HECW1: variants seen among roughly 807,000 people sequenced by gnomAD.
HECW1 encodes the protein E3 ubiquitin-protein ligase HECW1.
Under a neutral mutation model 182.3 loss-of-function variants are expected in HECW1, and 61 were observed. The observed-to-expected ratio is 0.33, with a 90% CI of 0.27 to 0.41. The LOEUF is 0.41. HECW1 is among the 10% of genes least tolerant of loss of function. The probability of loss-of-function intolerance (pLI) is 1.00; values close to 1 mark genes in which losing one functional copy is unlikely to be tolerated. For synonymous variants in HECW1, 859 were observed against 832.6 expected (o/e 1.03, Z -0.55); for missense variants, 1,739 against 2,108.9 (o/e 0.82, Z 3.44).
At chr7:43,268,329 G>A (rs1398646537) in intron 3 of HECW1, among the ~76,000 whole-genome samples, 1 of 152,208 alleles carries the variant, frequency 6.6e-6, no homozygotes, top group African/African-American at 2.4e-5. Flanking sequence ...CAGTGGAGAA[G>A]GGCTGTAGTT....
intron 4 of HECW1, among the ~76,000 whole-genome samples, chr7:43,319,020 G>A (rs1809687474): frequency 6.6e-6 from 1 of 152,234 alleles, no homozygotes; most frequent in East Asian, 1.9e-4. Context: ...GAACCAAGGA[G>A]GTGACAGGCA....
At chr7:43,515,961 T>C (rs1208907151) in intron 24 of HECW1, among the ~76,000 whole-genome samples, 2 of 152,248 alleles carry the variant, frequency 1.3e-5, no homozygotes, top group Non-Finnish European at 2.9e-5. Context: ...CAAATGCATA[T>C]AGTTTCAAAC....
intron 7 of HECW1, among the ~76,000 whole-genome samples, chr7:43,405,167 A>G (rs2075564104): frequency 6.6e-6 from 1 of 152,238 alleles, no homozygotes; most frequent in Non-Finnish European, 1.5e-5. Context: ...TTAAGTGCTT[A>G]GAATGGTTCC....
At chr7:43,327,865 T>A (rs78067456) in intron 5 of HECW1, among the ~76,000 whole-genome samples, 2,264 of 152,138 alleles carry the variant, frequency 0.015, 53 homozygotes, top group African/African-American at 0.049. Flanking sequence ...AAGAACATAA[T>A]AGTGATTAAA....
rs779287275 is a variant in HECW1 at position 43,444,222 on chromosome 7, TGAG to T, written c.1054_1056del (p.Glu352del). The T allele has an allele frequency of 1.7e-5, 27 of 1,600,488 alleles. No individual in the cohort carries two copies. In the South Asian group the frequency reaches 2.2e-4, roughly 13 times the overall value. ...TATTTTTCTTCTTACCAGCAGATGA[TGAG>T]GAGATTTCCCTGAGTACCGAGCCTG... On this transcript the variant is annotated inframe_deletion, in exon 11 of 30. Transcript: ENST00000395891. This position sits in a 1 kb window ranked among gnomAD's most constrained non-coding sequence, Gnocchi z 4.3.
At chr7:43,299,835 C>A (rs1289533075) in intron 3 of HECW1, among the ~76,000 whole-genome samples, 1 of 152,224 alleles carries the variant, frequency 6.6e-6, no homozygotes, top group African/African-American at 2.4e-5. Flanking sequence ...AGCTGAGTAT[C>A]AAATCCCATT....
chr7:43,274,697 A>T, intron 3 of HECW1: 1 of 256,634 alleles, frequency 3.9e-6, no homozygotes, highest in East Asian at 1.2e-4. Context: ...CCTATTACAA[A>T]AATAGACACG....
chr7:43,538,161 G>C (rs1456883943), intron 24 of HECW1, among the ~76,000 whole-genome samples: 1 of 152,336 alleles, frequency 6.6e-6, no homozygotes, highest in East Asian at 1.9e-4. Flanking sequence ...AGGGAGTCAA[G>C]TTGGTCTCTC....
chr7:43,443,661 A>G (rs2076958048), intron 10 of HECW1, among the ~76,000 whole-genome samples: 1 of 152,186 alleles, frequency 6.6e-6, no homozygotes, highest in Non-Finnish European at 1.5e-5. Flanking sequence ...TTAAATTGGA[A>G]TAAACTCTAA....
chr7:43,357,104 G>A (rs758595210), intron 5 of HECW1, among the ~76,000 whole-genome samples: 6 of 152,094 alleles, frequency 3.9e-5, no homozygotes, highest in Non-Finnish European at 7.4e-5. Context: ...CACAGAAAAA[G>A]GGGAGCCCTC....
At chr7:43,504,192 C>T (rs1387292995) in intron 21 of HECW1, among the ~76,000 whole-genome samples, 2 of 152,214 alleles carry the variant, frequency 1.3e-5, no homozygotes, top group African/African-American at 4.8e-5. Context: ...TCGACAGGGA[C>T]CCTCATTCCG....
At chr7:43,164,006 C>T (rs982931741) in intron 2 of HECW1, among the ~76,000 whole-genome samples, 1 of 152,186 alleles carries the variant, frequency 6.6e-6, no homozygotes, top group African/African-American at 2.4e-5. Context: ...GTTCATCCTG[C>T]CCTGGCTGGC....
At chr7:43,234,141 C>T (rs888902276) in intron 2 of HECW1, among the ~76,000 whole-genome samples, 2 of 152,228 alleles carry the variant, frequency 1.3e-5, no homozygotes, top group Non-Finnish European at 2.9e-5. Flanking sequence ...AGTGACAGCT[C>T]TCTTCTGTCT....
chr7:43,538,971 A>AT (rs1293363677), intron 24 of HECW1, among the ~76,000 whole-genome samples: 6 of 151,600 alleles, frequency 4.0e-5, no homozygotes, highest in South Asian at 2.1e-4. Flanking sequence ...TACTACAAAG[A>AT]TTTTTTTTTC....
chr7:43,254,065 T>C lies in HECW1; in HGVS notation c.27+10133T>C, dbSNP rs1800312246. ...CTCTGGACTCTGAGTCTGTGCTGAC[T>C]GCTAGTCTTTCTATCTAAAGCTCAT... On this transcript the variant is annotated intron_variant, in intron 3 of 29. Transcript: ENST00000395891. 5.9e-5 allele frequency among the ~76,000 whole-genome samples: 9 copies of C among 152,232 alleles called. No individual in the cohort carries two copies. The South Asian group carries it at 1.9e-3, about 32-fold the overall frequency.
chr7:43,345,970 T>C (rs1271802235), intron 5 of HECW1, among the ~76,000 whole-genome samples: 1 of 152,118 alleles, frequency 6.6e-6, no homozygotes, highest in East Asian at 1.9e-4. Context: ...TGCAAGTATC[T>C]TTTTCAAATA....
chr7:43,493,206 A>T, intron 19 of HECW1, 26 bp downstream of exon 19: 1 of 1,499,572 alleles, frequency 6.7e-7, no homozygotes. Context: ...CACTCCCTGG[A>T]ACTCTAGGTC....
chr7:43,156,638 T>C (rs1406569148), intron 2 of HECW1, among the ~76,000 whole-genome samples: 1 of 150,466 alleles, frequency 6.6e-6, no homozygotes, highest in African/African-American at 2.5e-5. Context: ...AATAATTTCA[T>C]GATTCATTCC....
intron 22 of HECW1, among the ~76,000 whole-genome samples, chr7:43,507,743 A>G (rs1312295799): frequency 6.6e-6 from 1 of 152,236 alleles, no homozygotes; most frequent in African/African-American, 2.4e-5. Flanking sequence ...AATCTTAAGC[A>G]ATATCCTATG....
Sources: allele counts gnomAD v4.1 joint callset (sites outside exome capture counted in the v4.1 genomes callset), GRCh38; gene constraint gnomAD v4.1.1; non-coding constraint Gnocchi (gnomAD v3.1); transcripts MANE v1.5; gene names NCBI Gene and HGNC (gene_info 2026-07-23, HGNC 2026-07-21).